Variants in CDH12 observed in about 807,000 individuals in gnomAD.
The protein encoded by CDH12 is cadherin-12.
A neutral mutation model predicts 74.1 loss-of-function variants in CDH12; 41 were observed. The ratio of observed to expected loss-of-function variants is 0.55; its 90% CI spans 0.43 to 0.72. The LOEUF (loss-of-function observed/expected upper bound fraction) is 0.72. Ranked by LOEUF, CDH12 falls within the 30% of genes least tolerant of loss-of-function variation. The pLI, the probability that CDH12 is intolerant of heterozygous loss-of-function variation, is 0.00. For missense variants in CDH12, 945 were observed against 977.2 expected (o/e 0.97, Z 0.44); for synonymous variants, 399 against 355.0 (o/e 1.12, Z -1.39).
chr5:22,371,584 T>A (rs555564165), intron 3 of CDH12, among the ~76,000 whole-genome samples: 2 of 152,186 alleles, frequency 1.3e-5, no homozygotes, highest in African/African-American at 4.8e-5. Flanking sequence ...CACTCTTATA[T>A]ATAGTTAACT....
At chr5:22,262,000 C>G (rs1045552966) in intron 3 of CDH12, among the ~76,000 whole-genome samples, 6 of 151,850 alleles carry the variant, frequency 4.0e-5, no homozygotes, top group Admixed American at 1.3e-4. Context: ...TTAAAAAATA[C>G]GATACAAATC....
At chr5:22,385,651 A>G (rs72744844) in intron 3 of CDH12, among the ~76,000 whole-genome samples, 12,849 of 152,184 alleles carry the variant, frequency 0.084, 591 homozygotes, top group South Asian at 0.16. Context: ...AGCACCAGTT[A>G]ACAAACCCAG....
intron 3 of CDH12, among the ~76,000 whole-genome samples, chr5:22,305,048 AT>A (rs1180774652): frequency 2.0e-5 from 3 of 152,212 alleles, no homozygotes; most frequent in Non-Finnish European, 2.9e-5. Context: ...GCCATAAACA[AT>A]TTTTTTAAGT....
chr5:22,385,930 T>G (rs984739835), intron 3 of CDH12, among the ~76,000 whole-genome samples: 1 of 150,216 alleles, frequency 6.7e-6, no homozygotes, highest in Non-Finnish European at 1.5e-5. Flanking sequence ...TCACTTTTGT[T>G]GCCCAGGCTG....
chr5:21,773,411 C>T (rs554057327), intron 11 of CDH12, among the ~76,000 whole-genome samples: 7 of 152,252 alleles, frequency 4.6e-5, no homozygotes, highest in East Asian at 1.9e-4. Flanking sequence ...CAGAAGAACG[C>T]GGAAGGACTG....
At chr5:22,341,341 T>C (rs1256694659) in intron 3 of CDH12, among the ~76,000 whole-genome samples, 3 of 152,086 alleles carry the variant, frequency 2.0e-5, no homozygotes, top group African/African-American at 4.8e-5. Context: ...AAAGAAAGAA[T>C]GGCTAGACTT....
intron 10 of CDH12, among the ~76,000 whole-genome samples, chr5:21,794,657 A>T (rs1444312409): frequency 6.6e-6 from 1 of 151,568 alleles, no homozygotes; most frequent in Non-Finnish European, 1.5e-5. Context: ...TTGTTTCTGT[A>T]TATTTGTTTC....
At chr5:22,511,087 G>T (rs1307004558) in intron 1 of CDH12, among the ~76,000 whole-genome samples, 1 of 151,932 alleles carries the variant, frequency 6.6e-6, no homozygotes, top group Non-Finnish European at 1.5e-5. Context: ...TACAGACAGG[G>T]TTTCACCATG....
At chr5:22,379,675 G>A (rs1741677931) in intron 3 of CDH12, among the ~76,000 whole-genome samples, 1 of 152,158 alleles carries the variant, frequency 6.6e-6, no homozygotes, top group African/African-American at 2.4e-5. Flanking sequence ...TCCCAGAGAT[G>A]ACTGTGAGAG....
chr5:22,620,655 C>A (rs149452957), intron 1 of CDH12, among the ~76,000 whole-genome samples: 3 of 152,012 alleles, frequency 2.0e-5, no homozygotes, highest in East Asian at 1.9e-4. Flanking sequence ...GTAGATCATG[C>A]GTGAGATCAA....
intron 3 of CDH12, among the ~76,000 whole-genome samples, chr5:22,268,855 A>G (rs1036682428): frequency 2.0e-5 from 3 of 152,152 alleles, no homozygotes; most frequent in Non-Finnish European, 2.9e-5. Context: ...CGTATGCATC[A>G]TACTTTACAT....
intron 2 of CDH12, among the ~76,000 whole-genome samples, chr5:22,500,909 C>T (rs892090700): frequency 6.6e-6 from 1 of 151,826 alleles, no homozygotes; most frequent in East Asian, 1.9e-4. Flanking sequence ...CTTCATCACT[C>T]CTGCAGTATA....
intron 3 of CDH12, among the ~76,000 whole-genome samples, chr5:22,343,012 G>T (rs1444423207): frequency 2.0e-5 from 3 of 151,722 alleles, no homozygotes; most frequent in Non-Finnish European, 4.4e-5. Context: ...CAACCATCAT[G>T]CCTGGCTAAT....
Position 21,751,895 on chromosome 5 carries a change from C to T in CDH12, c.2227G>A (p.Gly743Arg). The part of the protein sequence containing the change: ...YDSLATYAYE[G>R]SGSVAESLSS... ...AGGGACTCTGCCACGGACCCACTCC[C>T]TTCGTAGGCATATGTGGCCAGTGAA... The change falls in exon 15 of 15, where the codon GGG (glycine) becomes AGG (arginine). Residue 743 changes from glycine (G) to arginine (R), a missense_variant. By Grantham distance (125) the Gly-to-Arg change is moderately radical. Coordinates refer to ENST00000382254, the MANE Select transcript of CDH12 (RefSeq NM_004061.5). 1 of 1,614,022 alleles carries T rather than the reference C, an allele frequency of 6.2e-7. No individual in the cohort carries two copies. Among genetic ancestry groups the T allele is most frequent in the South Asian group, 1.1e-5 (1 of 91,072 alleles).
chr5:22,256,731 G>A (rs1026466948), intron 3 of CDH12, among the ~76,000 whole-genome samples: 3 of 152,008 alleles, frequency 2.0e-5, no homozygotes, highest in African/African-American at 7.2e-5. Context: ...CCCTGTGCAC[G>A]CCAAGGCTAA....
chr5:22,771,073 C>A (rs1209219708), intron 1 of CDH12, among the ~76,000 whole-genome samples: 1 of 151,968 alleles, frequency 6.6e-6, no homozygotes, highest in East Asian at 1.9e-4. Context: ...AGATAAGAGA[C>A]AACAACCTAA....
intron 4 of CDH12, among the ~76,000 whole-genome samples, chr5:22,170,610 T>G (rs1468330145): frequency 6.6e-6 from 1 of 151,400 alleles, no homozygotes; most frequent in Admixed American, 6.6e-5. Flanking sequence ...ATAAGCTTCT[T>G]TTTTACATTT....
chr5:21,773,360 T>A (rs1745425059), intron 11 of CDH12, among the ~76,000 whole-genome samples: 1 of 152,122 alleles, frequency 6.6e-6, no homozygotes, highest in East Asian at 1.9e-4. Context: ...CAGGTGGGCC[T>A]CCATCTAATC....
rs1053207356 is a variant in CDH12 at position 22,832,366 on chromosome 5, G to A, written c.-523+20692C>T. 5.3e-5 allele frequency among the ~76,000 whole-genome samples: 8 copies of A among 152,118 alleles called. No individual in the cohort carries two copies. In the South Asian group the frequency reaches 6.2e-4, roughly 12 times the overall value. ...TAAATATTGGGAGGATGGGAGTAAC[G>A]GTGTCACAAGTTTGTTCTGTCTCAG... On this transcript the variant is annotated intron_variant, in intron 1 of 14. Transcript: ENST00000382254.
Sources: allele counts gnomAD v4.1 joint callset (sites outside exome capture counted in the v4.1 genomes callset), GRCh38; gene constraint gnomAD v4.1.1; transcripts MANE v1.5; gene names NCBI Gene and HGNC (gene_info 2026-07-23, HGNC 2026-07-21).